The following HS3ST4 variants were observed in gnomAD, a reference collection of about 807,000 sequenced individuals.
The protein encoded by HS3ST4 is heparan sulfate glucosamine 3-O-sulfotransferase 4.
In HS3ST4, 17 loss-of-function variants were observed where a neutral mutation model predicts 29.2. The observed-to-expected ratio is 0.58, with a 90% CI of 0.40 to 0.87. The LOEUF (loss-of-function observed/expected upper bound fraction) is 0.87. Among genes scored for constraint, HS3ST4 ranks in the 40% least tolerant of loss-of-function variants. The pLI, the probability that HS3ST4 is intolerant of heterozygous loss-of-function variation, is 0.00. For missense variants in HS3ST4, 627 were observed against 634.5 expected, an observed-to-expected ratio of 0.99 and a Z score of 0.13; for synonymous variants, 314 against 285.7, an observed-to-expected ratio of 1.10 and a Z score of -1.00.
At chr16:25,867,021 TCACATAAAGGAAGGGTGGGC>T (rs1337667928) in intron 1 of HS3ST4, among the ~76,000 whole-genome samples, 1 of 152,088 alleles carries the variant, frequency 6.6e-6, no homozygotes, top group Non-Finnish European at 1.5e-5. Flanking sequence ...CCCACCCAAT[TCACATAAAGGAAGGGTGGGC>T]CTGAATCTTA....
intron 1 of HS3ST4, among the ~76,000 whole-genome samples, chr16:25,766,760 C>G (rs956521548): frequency 2.6e-5 from 4 of 152,236 alleles, no homozygotes; most frequent in Non-Finnish European, 5.9e-5. Context: ...AGCAAAATCA[C>G]TGCAGATGCC....
At chr16:25,695,907 C>G (rs958261155) in intron 1 of HS3ST4, among the ~76,000 whole-genome samples, 1 of 152,114 alleles carries the variant, frequency 6.6e-6, no homozygotes, top group Non-Finnish European at 1.5e-5. Flanking sequence ...AGAGGGAGAG[C>G]CAAGAAGAAA....
chr16:26,122,921 G>A lies in HS3ST4; in HGVS notation c.735-12691G>A, dbSNP rs138131200. Reference sequence around the variant, plus strand: ...ATACAAAAATCAGCTGGGCGTGGTGGCGGGCGCTTGTAATTCCAGCTACTC... The same window carrying A: ...ATACAAAAATCAGCTGGGCGTGGTGACGGGCGCTTGTAATTCCAGCTACTC... On this transcript the variant is annotated intron_variant, in intron 1 of 1. Transcript: ENST00000331351. 1.2e-3 allele frequency among the ~76,000 whole-genome samples: 178 copies of A among 152,236 alleles called. 1 individual carries two copies. The highest frequency in any genetic ancestry group is 2.7e-3 in the Admixed American group (42 of 15,288).
intron 1 of HS3ST4, among the ~76,000 whole-genome samples, chr16:25,746,538 G>A (rs1966686420): frequency 6.6e-6 from 1 of 150,518 alleles, no homozygotes; most frequent in African/African-American, 2.4e-5. Context: ...GTTGATGCCA[G>A]CCATCACAAT....
chr16:25,931,891 G>C (rs934428228), intron 1 of HS3ST4, among the ~76,000 whole-genome samples: 3 of 152,240 alleles, frequency 2.0e-5, no homozygotes, highest in African/African-American at 7.2e-5. Context: ...ACATGGCAGA[G>C]GGCCGCCTCA....
chr16:26,109,384 G>A (rs543585751), intron 1 of HS3ST4, among the ~76,000 whole-genome samples: 1 of 152,300 alleles, frequency 6.6e-6, no homozygotes, highest in Non-Finnish European at 1.5e-5. Flanking sequence ...TGAGGTTTGT[G>A]TGGTAGGCAT....
intron 1 of HS3ST4, among the ~76,000 whole-genome samples, chr16:25,801,198 C>T (rs1230810276): frequency 6.6e-6 from 1 of 152,046 alleles, no homozygotes; most frequent in Non-Finnish European, 1.5e-5. Flanking sequence ...ACTCATGCTG[C>T]CTGGTAACTT....
At chr16:26,077,875 A>C (rs1898681465) in intron 1 of HS3ST4, among the ~76,000 whole-genome samples, 1 of 152,334 alleles carries the variant, frequency 6.6e-6, no homozygotes, top group Admixed American at 6.5e-5. Context: ...GTTTGAGACC[A>C]GCCTGGGCAA....
At chr16:25,795,917 C>T (rs1966883506) in intron 1 of HS3ST4, among the ~76,000 whole-genome samples, 1 of 152,038 alleles carries the variant, frequency 6.6e-6, no homozygotes, top group Non-Finnish European at 1.5e-5. Flanking sequence ...ATTTTTCTCT[C>T]TTCATCACTG....
At chr16:25,748,615 A>T (rs1966699641) in intron 1 of HS3ST4, among the ~76,000 whole-genome samples, 1 of 152,250 alleles carries the variant, frequency 6.6e-6, no homozygotes, top group Non-Finnish European at 1.5e-5. Flanking sequence ...GAGATACTGT[A>T]CATGATAATG....
intron 1 of HS3ST4, among the ~76,000 whole-genome samples, chr16:26,097,784 G>T (rs1898944215): frequency 6.6e-6 from 1 of 152,206 alleles, no homozygotes; most frequent in Admixed American, 6.5e-5. Flanking sequence ...ACTACCATCA[G>T]AGTGAACAGG....
At chr16:25,992,679 T>C (rs1430992150) in intron 1 of HS3ST4, among the ~76,000 whole-genome samples, 1 of 152,250 alleles carries the variant, frequency 6.6e-6, no homozygotes, top group African/African-American at 2.4e-5. Flanking sequence ...GGGTGCCACG[T>C]TGAAGGCAAA....
intron 1 of HS3ST4, among the ~76,000 whole-genome samples, chr16:26,078,266 G>T (rs1898688408): frequency 6.6e-6 from 1 of 152,118 alleles, no homozygotes. Context: ...CTCAGCCTCT[G>T]AGTAGCTGGG....
At chr16:25,844,097 T>G (rs1015389767) in intron 1 of HS3ST4, among the ~76,000 whole-genome samples, 2 of 152,192 alleles carry the variant, frequency 1.3e-5, no homozygotes, top group African/African-American at 4.8e-5. Context: ...TTTTTAAATC[T>G]CCCAAATAAA....
intron 1 of HS3ST4, among the ~76,000 whole-genome samples, chr16:25,945,706 G>T (rs1968618937): frequency 6.6e-6 from 1 of 152,122 alleles, no homozygotes; most frequent in African/African-American, 2.4e-5. Context: ...GGATTGTAAT[G>T]AAATGAGATC....
intron 1 of HS3ST4, among the ~76,000 whole-genome samples, chr16:25,858,642 G>T (rs547426721): frequency 6.6e-6 from 1 of 151,834 alleles, no homozygotes; most frequent in South Asian, 2.1e-4. Context: ...ACTTCATTTT[G>T]AGTAGGTTTT....
At chr16:25,966,138 C>A (rs959884837) in intron 1 of HS3ST4, among the ~76,000 whole-genome samples, 1 of 152,168 alleles carries the variant, frequency 6.6e-6, no homozygotes, top group Non-Finnish European at 1.5e-5. Flanking sequence ...ATGATCATTG[C>A]TTCTACTTCA....
chr16:25,946,504 C>T (rs1968627684), intron 1 of HS3ST4, among the ~76,000 whole-genome samples: 1 of 152,202 alleles, frequency 6.6e-6, no homozygotes, highest in African/African-American at 2.4e-5. Context: ...TATCATCCCA[C>T]AGCATTCTTT....
intron 1 of HS3ST4, among the ~76,000 whole-genome samples, chr16:25,772,640 C>T (rs1177515065): frequency 6.6e-6 from 1 of 152,162 alleles, no homozygotes; most frequent in Admixed American, 6.5e-5. Flanking sequence ...CATGGAAATA[C>T]ACACTGTAAA....
Sources: allele counts gnomAD v4.1 joint callset (sites outside exome capture counted in the v4.1 genomes callset), GRCh38; gene constraint gnomAD v4.1.1; transcripts MANE v1.5; gene names NCBI Gene and HGNC (gene_info 2026-07-23, HGNC 2026-07-21).